VAT1L: variants seen among roughly 807,000 people sequenced by gnomAD.
VAT1L encodes vesicle amine transport 1 like, also known as putative NADPH-dependent quinone oxidoreductase VAT1L.
In VAT1L, 34 loss-of-function variants were observed where a neutral mutation model predicts 44.1. The observed-to-expected ratio is 0.77, with a 90% CI of 0.59 to 1.03. The LOEUF (loss-of-function observed/expected upper bound fraction) is 1.03, where lower values mean the gene tolerates loss of function less well. Among genes scored for constraint, VAT1L ranks in the 50% least tolerant of loss-of-function variants. The pLI is 0.00. For synonymous variants in VAT1L, 253 were observed against 202.2 expected (o/e 1.25, Z -2.13); for missense variants, 615 against 538.8 (o/e 1.14, Z -1.40).
Position 77,971,832 on chromosome 16 carries a change from T to A in VAT1L, c.1078-18T>A. ...ATCTCGCCTAACCAGCACCTCTGTT[T>A]CTCACCTTTTCGCGCAGGTGAAGGA... On this transcript the variant is annotated intron_variant, in intron 7 of 8. Coordinates refer to ENST00000302536, the MANE Select transcript of VAT1L (RefSeq NM_020927.3). 1 of 1,610,642 alleles carries A rather than the reference T, an allele frequency of 6.2e-7. No individual in the cohort carries two copies. Among genetic ancestry groups the A allele is most frequent in the Non-Finnish European group, 8.5e-7 (1 of 1,178,456 alleles).
chr16:77,816,796 G>A, intron 1 of VAT1L, 125 bp from the exon 2 acceptor site: 2 of 1,221,226 alleles, frequency 1.6e-6, no homozygotes, highest in Non-Finnish European at 1.1e-6. Context: ...AAAAAAAAAA[G>A]ACAGGAAGGA....
chr16:77,788,964 G>A, intron 1 of VAT1L, 49 bp downstream of exon 1: 1 of 1,433,966 alleles, frequency 7.0e-7, no homozygotes. Context: ...CGCGCTGGGC[G>A]CTGGGGAGGG....
intron 7 of VAT1L, among the ~76,000 whole-genome samples, chr16:77,915,625 A>G (rs2017544101): frequency 6.6e-6 from 1 of 152,174 alleles, no homozygotes; most frequent in Non-Finnish European, 1.5e-5. Flanking sequence ...AAAACTGCAT[A>G]AGGAAAGGCC....
chr16:77,857,311 A>T, intron 3 of VAT1L, among the ~76,000 whole-genome samples: 1 of 152,200 alleles, frequency 6.6e-6, no homozygotes, highest in East Asian at 1.9e-4. Flanking sequence ...TTTGCTAGGC[A>T]CGTAGGAGAA....
chr16:77,842,985 C>G (rs952323712), intron 3 of VAT1L, among the ~76,000 whole-genome samples: 1 of 152,180 alleles, frequency 6.6e-6, no homozygotes, highest in Non-Finnish European at 1.5e-5. Context: ...AGCGTATTCT[C>G]ATCAACTCAT....
At chr16:77,935,501 A>T (rs1278156945) in intron 7 of VAT1L, among the ~76,000 whole-genome samples, 4 of 89,446 alleles carry the variant, frequency 4.5e-5, no homozygotes, top group Admixed American at 1.3e-4. Flanking sequence ...ACGGTTTATA[A>T]AAAAAAAAAA....
intron 7 of VAT1L, among the ~76,000 whole-genome samples, chr16:77,916,990 T>C (rs190694580): frequency 1.6e-3 from 245 of 152,322 alleles, no homozygotes; most frequent in Non-Finnish European, 1.7e-3. Flanking sequence ...AAAAAAATCA[T>C]CTTTGTGTAT....
In VAT1L at chr16:77,901,153, C is replaced by CTTTTT. The variant is rs538577571; in HGVS notation, c.1077+16377_1077+16381dup. Among the ~76,000 whole-genome samples, 127 of 90,042 alleles carry CTTTTT rather than the reference C, an allele frequency of 1.4e-3. 9 individuals carry two copies. The highest frequency in any genetic ancestry group is 6.1e-3 in the African/African-American group (126 of 20,810). The allele number at this position is 90,042 out of a possible 152,430, so 59.1% of individuals were successfully genotyped here. ...GGTAGGTGTGTGACCAGTAGTTTAC[C>CTTTTT]TTTTTTTTTTTTTTTTTTTTTTTTT... is the stretch of plus-strand genomic sequence containing the variant. On this transcript the variant is annotated intron_variant, in intron 7 of 8. Transcript: ENST00000302536.
At chr16:77,964,838 G>C (rs890174207) in intron 7 of VAT1L, among the ~76,000 whole-genome samples, 5 of 136,576 alleles carry the variant, frequency 3.7e-5, no homozygotes, top group Admixed American at 8.6e-5. Flanking sequence ...TTGTTGCCCA[G>C]GCTGGAGTGC....
At chr16:77,874,967 C>T (rs1434036405) in intron 4 of VAT1L, among the ~76,000 whole-genome samples, 2 of 151,980 alleles carry the variant, frequency 1.3e-5, no homozygotes, top group Non-Finnish European at 2.9e-5. Flanking sequence ...AATGCAAATC[C>T]CCACCACAGA....
intron 8 of VAT1L, among the ~76,000 whole-genome samples, chr16:77,973,495 G>C (rs970939270): frequency 6.6e-6 from 1 of 152,056 alleles, no homozygotes; most frequent in Non-Finnish European, 1.5e-5. Context: ...ATGTGGGTCA[G>C]GCTGGTCTTG....
chr16:77,860,392 C>G (rs963481168), intron 3 of VAT1L, among the ~76,000 whole-genome samples: 3 of 152,176 alleles, frequency 2.0e-5, no homozygotes, highest in East Asian at 3.8e-4. Flanking sequence ...AAGTCCAGGA[C>G]TCAGTGGGCA....
chr16:77,940,489 ACGTG>A (rs1384379175), intron 7 of VAT1L, among the ~76,000 whole-genome samples: 9 of 151,820 alleles, frequency 5.9e-5, no homozygotes, highest in African/African-American at 2.2e-4. Flanking sequence ...GATTACAGGC[ACGTG>A]CTACCATGCC....
In VAT1L at chr16:77,788,618, C is replaced by G. The variant is rs946061486; in HGVS notation, c.-65C>G. 6.6e-7 allele frequency: 1 copy of G among 1,523,024 alleles called. No individual in the cohort carries two copies. Among genetic ancestry groups the G allele is most frequent in the Admixed American group, 2.0e-5 (1 of 49,690 alleles). The allele number at this position is 1,523,024 out of a possible 1,614,324, so 94.3% of individuals were successfully genotyped here. A position where few individuals can be genotyped will look rare whatever the true frequency, so the allele number is the denominator to read the frequency against. ...AGGAGGAACCCGCGGGAGAGGAGCC[C>G]CACTCCCCCAGCGCCGCAGCCACCG... On this transcript the variant is annotated 5_prime_UTR_variant, in exon 1 of 9. Coordinates refer to ENST00000302536, the MANE Select transcript of VAT1L (RefSeq NM_020927.3).
chr16:77,967,361 G>A (rs1321595715), intron 7 of VAT1L, among the ~76,000 whole-genome samples: 1 of 152,170 alleles, frequency 6.6e-6, no homozygotes. Flanking sequence ...CTTCTAAGAG[G>A]CTTGGTGTGT....
chr16:77,797,737 A>T lies in VAT1L; in HGVS notation c.233+8822A>T, dbSNP rs2914450. ...AGAAATAGTGCCCCGATGACCTCCA[A>T]GCTCCTGGGACTTCCTTTTCCTAAG... On this transcript the variant is annotated intron_variant, in intron 1 of 8. Coordinates refer to ENST00000302536, the MANE Select transcript of VAT1L (RefSeq NM_020927.3). Among the ~76,000 whole-genome samples the T allele has an allele frequency of 2.0e-5, 3 of 152,096 alleles. No individual in the cohort carries two copies. The East Asian group carries it at 5.8e-4, about 30-fold the overall frequency.
At chr16:77,901,499 T>C (rs2017383111) in intron 7 of VAT1L, among the ~76,000 whole-genome samples, 1 of 152,124 alleles carries the variant, frequency 6.6e-6, no homozygotes, top group African/African-American at 2.4e-5. Context: ...TAATGCATTT[T>C]TTGCTGCTTT....
chr16:77,876,798 G>T (rs2017091911), intron 5 of VAT1L, among the ~76,000 whole-genome samples: 1 of 152,182 alleles, frequency 6.6e-6, no homozygotes, highest in African/African-American at 2.4e-5. Context: ...TTCAAAGGAA[G>T]TTCAGAAATA....
rs138118292 is a variant in VAT1L, at chr16:77,840,506, G to A, written c.579+15045G>A. ...AAAAACAACCGATAAAGAGTATCTAGATGCTATTCATCTTCTTCAGTTTCT... is the reference window on the plus strand; with the variant it reads ...AAAAACAACCGATAAAGAGTATCTAAATGCTATTCATCTTCTTCAGTTTCT... On this transcript the variant is annotated intron_variant, in intron 3 of 8. Transcript: ENST00000302536. Among the ~76,000 whole-genome samples the A allele has an allele frequency of 1.1e-4, 16 of 152,220 alleles. 2 individuals are homozygous for A. Among genetic ancestry groups the A allele is most frequent in the African/African-American group, 3.9e-4 (16 of 41,536 alleles).
Sources: gnomAD v4.1 joint callset for allele counts (sites outside exome capture counted in the v4.1 genomes callset) on GRCh38, gnomAD v4.1.1 for gene constraint, MANE v1.5 for transcripts, NCBI Gene and HGNC (gene_info 2026-07-23, HGNC 2026-07-21) for gene names.